SPTAN1: variants seen among roughly 807,000 people sequenced by gnomAD.
SPTAN1 encodes the protein spectrin alpha, non-erythrocytic 1.
Under a neutral mutation model 331.3 loss-of-function variants are expected in SPTAN1, and 61 were observed. That is an observed-to-expected ratio of 0.18 (90% CI 0.15 to 0.23). The LOEUF (loss-of-function observed/expected upper bound fraction) is 0.23. Ranked by LOEUF, SPTAN1 falls within the 10% of genes least tolerant of loss-of-function variation. SPTAN1 has a pLI of 1.00. For synonymous variants in SPTAN1, 1,153 were observed against 1,173.9 expected, an observed-to-expected ratio of 0.98 and a Z score of 0.36; for missense variants, 2,043 against 3,147.9, an observed-to-expected ratio of 0.65 and a Z score of 8.40.
Position 128,584,359 on chromosome 9 carries a change from G to A in SPTAN1, c.2271G>A (p.Lys757=). The A allele has an allele frequency of 6.2e-7, 1 of 1,614,192 alleles. No homozygotes were observed. Among genetic ancestry groups the A allele is most frequent in the Non-Finnish European group, 8.5e-7 (1 of 1,180,048 alleles). Residue 757 remains lysine (K), a synonymous_variant, in exon 17 of 57, where the codon AAG becomes AAA. Transcript: ENST00000372739. ...AGHFDAENIK[K]KQEALVARYE... is the part of the protein sequence containing the mutation. ...ATTTTGATGCAGAAAACATCAAGAA[G>A]AAACAGGAAGCCCTCGTGGCTCGCT... is the stretch of plus-strand genomic sequence containing the variant.
At chr9:128,616,245 C>T (rs1417896808) in intron 41 of SPTAN1, among the ~76,000 whole-genome samples, 2 of 151,450 alleles carry the variant, frequency 1.3e-5, no homozygotes, top group African/African-American at 2.4e-5. Flanking sequence ...GATGGAGTCT[C>T]GCTCTGTCAC....
intron 10 of SPTAN1, among the ~76,000 whole-genome samples, chr9:128,580,261 ACAGAGTGAGACCC>A (rs1254277366): frequency 6.6e-6 from 1 of 151,764 alleles, no homozygotes; most frequent in Non-Finnish European, 1.5e-5. Flanking sequence ...GGCTTGAGTG[ACAGAGTGAGACCC>A]TGTCTCTAAA....
chr9:128,607,782 G>A, intron 32 of SPTAN1, 70 bp from the exon 33 acceptor site: 2 of 1,611,256 alleles, frequency 1.2e-6, no homozygotes, highest in Non-Finnish European at 1.7e-6. Flanking sequence ...ACCCTTTGTG[G>A]TGAGTCGGTG....
rs1436701473 is a variant in SPTAN1, at chr9:128,594,262, T to C, written c.3303T>C (p.Asn1101=). Residue 1101 remains asparagine, a synonymous_variant, in exon 24 of 57, where the codon AAT becomes AAC. Coordinates refer to ENST00000372739, the MANE Select transcript of SPTAN1 (RefSeq NM_001130438.3). ...CKKFMLFREA[N]ELQQWINEKE... ...AGTTTATGTTGTTCCGTGAAGCGAATGAACTACAGCAATGGATCAATGAGA... is the reference window on the plus strand; with the variant it reads ...AGTTTATGTTGTTCCGTGAAGCGAACGAACTACAGCAATGGATCAATGAGA... 6.2e-7 allele frequency: 1 copy of C among 1,614,040 alleles called. No individual in the cohort carries two copies. The highest frequency in any genetic ancestry group is 8.5e-7 in the Non-Finnish European group (1 of 1,180,026).
In SPTAN1 at chr9:128,608,176, G is replaced by A; in HGVS notation, c.4391G>A (p.Arg1464Gln). 6.2e-7 allele frequency: 1 copy of A among 1,614,096 alleles called. No homozygotes were observed. Among genetic ancestry groups the A allele is most frequent in the Non-Finnish European group, 8.5e-7 (1 of 1,180,022 alleles). ...CAAGCTGAGAACTGGATGGCTGCCC[G>A]GGAGGCCTTCTTGAATACCGAAGAC... ...CEQAENWMAAREAFLNTEDKG... is the reference protein window; with the variant it reads ...CEQAENWMAAQEAFLNTEDKG... The change falls in exon 34 of 57, where the codon CGG becomes CAG. Residue 1464 changes from arginine (R) to glutamine (Q), a missense_variant. This residue lies in a region of SPTAN1 where 179 missense variants were observed against 215.7 expected (regional missense o/e 0.83). Transcript: ENST00000372739.
chr9:128,595,253 G>A (rs565175857), intron 24 of SPTAN1, among the ~76,000 whole-genome samples: 26 of 152,198 alleles, frequency 1.7e-4, no homozygotes, highest in African/African-American at 5.5e-4. Flanking sequence ...GGGATTACAG[G>A]TACGCACGAC....
intron 3 of SPTAN1, among the ~76,000 whole-genome samples, chr9:128,569,871 A>G (rs998346995): frequency 6.6e-6 from 1 of 152,136 alleles, no homozygotes; most frequent in Admixed American, 6.6e-5. Flanking sequence ...GCAATACTCT[A>G]CAGTCTCATA....
In SPTAN1 at chr9:128,633,581, G is replaced by A; in HGVS notation, c.*247G>A. On this transcript the variant is annotated 3_prime_UTR_variant, in exon 57 of 57. Transcript: ENST00000372739. ...CCGACTTCAGAAAATCGAAGCAGCT[G>A]GCTCCTCCCCTTGTTCTCTCTCCCA... is the stretch of plus-strand genomic sequence containing the variant. 2 of 1,081,152 alleles carry A rather than the reference G, an allele frequency of 1.8e-6. No individual in the cohort carries two copies. Among genetic ancestry groups the A allele is most frequent in the Non-Finnish European group, 2.7e-6 (2 of 742,456 alleles). The allele number at this position is 1,081,152 out of a possible 1,614,324, so 67.0% of individuals were successfully genotyped here.
chr9:128,622,199 C>T (rs569571884), intron 45 of SPTAN1: 1 of 152,270 alleles, frequency 6.6e-6, no homozygotes, highest in African/African-American at 2.4e-5. Context: ...GCACACTTAA[C>T]CCCCTGACAC....
At chr9:128,628,450 G>A in intron 51 of SPTAN1, 1 of 342,818 alleles carries the variant, frequency 2.9e-6, no homozygotes, top group Non-Finnish European at 5.8e-6. Flanking sequence ...CTTTCCTGGG[G>A]TCAGGGAGGG....
At position 128,624,386 on chromosome 9, in the gene SPTAN1, C is replaced by T; in HGVS notation, c.5891C>T (p.Ser1964Leu). The T allele has an allele frequency of 6.2e-7, 1 of 1,614,040 alleles. No homozygotes were observed. ...SKMKGLNGKV[S>L]DLEKAAAQRK... ...ATGAAGGGCCTGAACGGGAAAGTGT[C>T]AGACCTGGAGAAAGCTGCAGCCCAG... The change falls in exon 46 of 57, where the codon TCA becomes TTA. Residue 1964 changes from serine (S) to leucine (L), a missense_variant. Transcript: ENST00000372739.
In SPTAN1 at chr9:128,615,828, A is replaced by T; in HGVS notation, c.5345A>T (p.Glu1782Val). The T allele has an allele frequency of 6.2e-7, 1 of 1,614,206 alleles. No homozygotes were observed. Among genetic ancestry groups the T allele is most frequent in the Non-Finnish European group, 8.5e-7 (1 of 1,180,030 alleles). ...HQFFRDMDDE[E>V]SWIKEKKLLV... Reference sequence around the variant, plus strand: ...TTCTTCCGGGACATGGATGACGAGGAGTCCTGGATCAAGTATGTCTTCTCA... The same window carrying T: ...TTCTTCCGGGACATGGATGACGAGGTGTCCTGGATCAAGTATGTCTTCTCA... Residue 1782 changes from glutamate (E) to valine (V), a missense_variant, in exon 41 of 57, where the codon GAG (glutamate) becomes GTG (valine). By Grantham distance (121) the Glu-to-Val change is moderately radical. This residue lies in a region of SPTAN1 where 323 missense variants were observed against 581.1 expected (regional missense o/e 0.56). Transcript: ENST00000372739.
At chr9:128,572,915 C>T (rs1475339891) in intron 3 of SPTAN1, among the ~76,000 whole-genome samples, 1 of 152,176 alleles carries the variant, frequency 6.6e-6, no homozygotes, top group Non-Finnish European at 1.5e-5. Flanking sequence ...GTTTTGCCAA[C>T]AGTGGTGGAA....
Position 128,584,474 on chromosome 9 carries a change from G to A in SPTAN1, c.2386G>A (p.Glu796Lys). The change falls in exon 17 of 57, where the codon GAG (glutamate) becomes AAG (lysine). Residue 796 changes from glutamate to lysine, a missense_variant. Glu to Lys is a moderately conservative substitution (Grantham distance 56, BLOSUM62 1). Coordinates refer to ENST00000372739, the MANE Select transcript of SPTAN1 (RefSeq NM_001130438.3). ...LQQLFRDVED[E>K]ETWIREKEPI... Reference sequence around the variant, plus strand: ...GCAGCTCTTCCGGGATGTTGAGGATGAGGAGACGTGGATTCGAGAGAAAGA... The same window carrying A: ...GCAGCTCTTCCGGGATGTTGAGGATAAGGAGACGTGGATTCGAGAGAAAGA... 6.2e-7 allele frequency: 1 copy of A among 1,614,172 alleles called. No homozygotes were observed. Among genetic ancestry groups the A allele is most frequent in the South Asian group, 1.1e-5 (1 of 91,084 alleles).
chr9:128,600,974 CTTTTTTTTTTTTT>C (rs60290370), intron 27 of SPTAN1, among the ~76,000 whole-genome samples: 2 of 40,866 alleles, frequency 4.9e-5, no homozygotes, highest in African/African-American at 1.8e-4. Context: ...GGGAGAAAGT[CTTTTTTTTTTTTT>C]TTTTTTTTTT....
At chr9:128,578,470 G>A (rs545977603) in intron 9 of SPTAN1, among the ~76,000 whole-genome samples, 1 of 152,290 alleles carries the variant, frequency 6.6e-6, no homozygotes, top group Admixed American at 6.5e-5. Context: ...GTCCATAAAA[G>A]CAAACAGACA....
chr9:128,569,567 G>A (rs187639125), intron 3 of SPTAN1, among the ~76,000 whole-genome samples: 4 of 151,686 alleles, frequency 2.6e-5, no homozygotes, highest in Admixed American at 2.0e-4. Context: ...AGGTGTGCAC[G>A]TTGAGTTTCT....
At chr9:128,592,495 A>T (rs1564247346) in intron 22 of SPTAN1, among the ~76,000 whole-genome samples, 2 of 152,120 alleles carry the variant, frequency 1.3e-5, no homozygotes, top group Non-Finnish European at 2.9e-5. Flanking sequence ...GGCTGGTCTC[A>T]AACTCCTGAC....
At chr9:128,563,018 A>G (rs1233323701) in intron 1 of SPTAN1, among the ~76,000 whole-genome samples, 3 of 119,954 alleles carry the variant, frequency 2.5e-5, no homozygotes, top group South Asian at 5.2e-4. Context: ...ATATATATAT[A>G]TATATATATG....
Sources: gnomAD v4.1 joint callset for allele counts (sites outside exome capture counted in the v4.1 genomes callset) on GRCh38, gnomAD v4.1.1 for gene constraint, gnomAD v4.1.1 regional missense constraint, MANE v1.5 for transcripts, NCBI Gene and HGNC (gene_info 2026-07-23, HGNC 2026-07-21) for gene names.